The following PCDHA11 variants were observed in gnomAD, a reference collection of about 807,000 sequenced individuals.
PCDHA11 encodes the protein protocadherin alpha 11, also known as protocadherin alpha-11.
In PCDHA11, 61 loss-of-function variants were observed where a neutral mutation model predicts 70.3. The ratio of observed to expected loss-of-function variants is 0.87; its 90% CI spans 0.71 to 1.07. The LOEUF is 1.07. Ranked by LOEUF, PCDHA11 falls within the 50% of genes least tolerant of loss-of-function variation. The pLI, the probability that PCDHA11 is intolerant of heterozygous loss-of-function variation, is 0.00. For missense variants in PCDHA11, 1,324 were observed against 1,237.5 expected (o/e 1.07, Z -1.05); for synonymous variants, 633 against 555.1 (o/e 1.14, Z -1.97).
At chr5:140,974,637 G>A (rs1054796505) in intron 1 of PCDHA11, among the ~76,000 whole-genome samples, 7 of 151,898 alleles carry the variant, frequency 4.6e-5, no homozygotes, top group South Asian at 2.1e-4. Context: ...TCAACCTCCC[G>A]AGTAGCTGAG....
intron 1 of PCDHA11, among the ~76,000 whole-genome samples, chr5:140,957,285 G>GT (rs1554222913): frequency 6.6e-6 from 1 of 152,144 alleles, no homozygotes; most frequent in Non-Finnish European, 1.5e-5. Flanking sequence ...CTTACCTGCA[G>GT]TTTCACTCTG....
intron 1 of PCDHA11, chr5:140,969,220 G>A (rs2096308533): frequency 6.2e-7 from 1 of 1,614,084 alleles, no homozygotes; most frequent in African/African-American, 1.3e-5. Flanking sequence ...CAGGACCAGG[G>A]CCTTCGGGAG....
Position 140,884,432 on chromosome 5 carries a change from C to A in PCDHA11, c.2391+12938C>A, listed in dbSNP as rs782413139. ...CACGTTGCTGCTGTATACTGCGCTG[C>A]GGTGCTCGGCACCGCCCACCGAGGG... On this transcript the variant is annotated intron_variant, in intron 1 of 3. Coordinates refer to ENST00000398640, the MANE Select transcript of PCDHA11 (RefSeq NM_018902.5). The A allele has an allele frequency of 4.3e-6, 7 of 1,613,764 alleles. No individual in the cohort carries two copies. The highest frequency in any genetic ancestry group is 5.1e-6 in the Non-Finnish European group (6 of 1,179,866).
At chr5:140,934,029 T>A (rs1267400545) in intron 1 of PCDHA11, among the ~76,000 whole-genome samples, 1 of 152,114 alleles carries the variant, frequency 6.6e-6, no homozygotes, top group Admixed American at 6.5e-5. Flanking sequence ...GGAAGTAGTT[T>A]ATTAATGATA....
chr5:140,942,591 T>C (rs1180688838), intron 1 of PCDHA11, among the ~76,000 whole-genome samples: 1 of 147,516 alleles, frequency 6.8e-6, no homozygotes, highest in East Asian at 2.0e-4. Context: ...ATGTCACATA[T>C]AATTATAGTG....
At chr5:140,936,972 T>C (rs2091238144) in intron 1 of PCDHA11, among the ~76,000 whole-genome samples, 2 of 152,314 alleles carry the variant, frequency 1.3e-5, no homozygotes, top group South Asian at 4.1e-4. Context: ...TATAAAAATA[T>C]GAAGCTTGTT....
At chr5:140,969,935 T>C (rs1490184904) in intron 1 of PCDHA11, among the ~76,000 whole-genome samples, 2 of 152,222 alleles carry the variant, frequency 1.3e-5, no homozygotes, top group Non-Finnish European at 2.9e-5. Context: ...TTAGACATCA[T>C]ACTGAAGCTA....
chr5:140,984,641 C>T (rs2153834832), intron 3 of PCDHA11, among the ~76,000 whole-genome samples: 1 of 152,276 alleles, frequency 6.6e-6, no homozygotes, highest in South Asian at 2.1e-4. Context: ...TCTCTGCCTT[C>T]TCCCTGTCCT....
chr5:140,904,828 A>G (rs1196362639), intron 1 of PCDHA11, among the ~76,000 whole-genome samples: 7 of 151,794 alleles, frequency 4.6e-5, no homozygotes, highest in African/African-American at 1.7e-4. Flanking sequence ...GCATTTTTTT[A>G]TATGTTTCAT....
At chr5:140,966,709 G>T in intron 1 of PCDHA11, 2 of 1,387,174 alleles carry the variant, frequency 1.4e-6, no homozygotes, top group Non-Finnish European at 1.9e-6. Flanking sequence ...CGTGGGGCAC[G>T]GCTGGGGAAG....
rs73266040 is a variant in PCDHA11 at position 140,926,675 on chromosome 5, C to G, written c.2392-52274C>G. 1.5e-3 allele frequency: 923 copies of G among 601,544 alleles called. 7 individuals carry two copies. The African/African-American group carries it at 0.016, about 11-fold the overall frequency. The allele number at this position is 601,544 out of a possible 1,614,324, so 37.3% of individuals were successfully genotyped here. ...TCCGCTTTCCCAGACGGCTGCCCAG[C>G]CTCCAGCCTAGCAAGCCCGGCTCCC... On this transcript the variant is annotated intron_variant, in intron 1 of 3. Coordinates refer to ENST00000398640, the MANE Select transcript of PCDHA11 (RefSeq NM_018902.5).
chr5:140,956,749 G>A (rs1179471294), intron 1 of PCDHA11, among the ~76,000 whole-genome samples: 5 of 152,144 alleles, frequency 3.3e-5, no homozygotes, highest in African/African-American at 1.2e-4. Context: ...ACCTCTGATA[G>A]AATTCAGCTG....
Position 141,009,859 on chromosome 5 carries a change from G to A in PCDHA11, c.2772G>A (p.Lys924=). The A allele has an allele frequency of 1.2e-6, 2 of 1,613,884 alleles. No homozygotes were observed. Among genetic ancestry groups the A allele is most frequent in the Non-Finnish European group, 1.7e-6 (2 of 1,179,960 alleles). The part of the protein sequence containing the change: ...TFGKKEETKK[K]KKKKKGNKTQ... ...GCAAAAAGGAGGAGACCAAGAAAAA[G>A]AAGAAAAAGAAGAAGGGTAACAAGA... The change falls in exon 4 of 4, where the codon AAG becomes AAA. Residue 924 remains lysine (K), a synonymous_variant. Transcript: ENST00000398640.
intron 2 of PCDHA11, among the ~76,000 whole-genome samples, chr5:140,980,413 T>C (rs1218867656): frequency 6.6e-6 from 1 of 152,086 alleles, no homozygotes; most frequent in Admixed American, 6.6e-5. Context: ...GGGCAGATCA[T>C]GAGGTCAAGA....
chr5:140,937,493 C>T (rs1158473278), intron 1 of PCDHA11, among the ~76,000 whole-genome samples: 3 of 152,020 alleles, frequency 2.0e-5, no homozygotes, highest in Non-Finnish European at 2.9e-5. Flanking sequence ...GGCACATACC[C>T]GTAATCCCAG....
chr5:140,953,528 C>T (rs2094898852), intron 1 of PCDHA11, among the ~76,000 whole-genome samples: 1 of 152,112 alleles, frequency 6.6e-6, no homozygotes, highest in Non-Finnish European at 1.5e-5. Context: ...AAACGGGAAA[C>T]TCACTTCATG....
intron 1 of PCDHA11, among the ~76,000 whole-genome samples, chr5:140,955,335 A>G (rs538609650): frequency 6.6e-6 from 1 of 152,266 alleles, no homozygotes; most frequent in South Asian, 2.1e-4. Flanking sequence ...AGTTCCCATA[A>G]TCCCCACATG....
intron 1 of PCDHA11, among the ~76,000 whole-genome samples, chr5:140,911,873 A>G (rs980533422): frequency 7.2e-5 from 11 of 152,038 alleles, no homozygotes; most frequent in African/African-American, 2.7e-4. Flanking sequence ...TTCTGGAACC[A>G]CTCCTGGGAC....
intron 1 of PCDHA11, chr5:140,876,999 G>C: frequency 6.2e-7 from 1 of 1,612,546 alleles, no homozygotes; most frequent in Non-Finnish European, 8.5e-7. Flanking sequence ...GCTACGTGTC[G>C]GTGCACGCGG....
Sources: gnomAD v4.1 joint callset for allele counts (sites outside exome capture counted in the v4.1 genomes callset) on GRCh38, gnomAD v4.1.1 for gene constraint, MANE v1.5 for transcripts, NCBI Gene and HGNC (gene_info 2026-07-23, HGNC 2026-07-21) for gene names.